The following COBLL1 variants were observed in gnomAD, a reference collection of about 807,000 sequenced individuals.
COBLL1 encodes cordon-bleu protein-like 1.
In COBLL1, 50 loss-of-function variants were observed where a neutral mutation model predicts 94.8. The observed-to-expected ratio is 0.53, with a 90% CI of 0.42 to 0.67. The LOEUF is 0.67. Among genes scored for constraint, COBLL1 ranks in the 30% least tolerant of loss-of-function variants. The probability of loss-of-function intolerance (pLI) is 0.00; values close to 1 mark genes in which losing one functional copy is unlikely to be tolerated. For missense variants in COBLL1, 1,362 were observed against 1,348.7 expected (o/e 1.01, Z -0.15); for synonymous variants, 448 against 473.8 (o/e 0.95, Z 0.71).
intron 2 of COBLL1, among the ~76,000 whole-genome samples, chr2:164,835,426 G>A (rs1267638424): frequency 1.3e-5 from 2 of 152,192 alleles, no homozygotes; most frequent in Non-Finnish European, 2.9e-5. Context: ...GATCTCACTT[G>A]TAAGAGGTAC....
At chr2:164,678,517 G>T (rs780663052), downstream of COBLL1, among the ~76,000 whole-genome samples, 38 of 152,024 alleles carry the variant, frequency 2.5e-4, no homozygotes, top group Admixed American at 7.9e-4. Context: ...ACCAATGAAT[G>T]CCCCTGTCTG....
Position 164,704,574 on chromosome 2 carries a change from C to T in COBLL1, c.1151-56G>A, listed in dbSNP as rs1439956494. The T allele has an allele frequency of 2.2e-6, 3 of 1,371,286 alleles. No individual in the cohort carries two copies. The East Asian group carries it at 6.9e-5, about 31-fold the overall frequency. 84.9% of individuals were successfully genotyped at this position (1,371,286 alleles called of 1,614,324 possible). On this transcript the variant is annotated intron_variant, in intron 8 of 13. Coordinates refer to ENST00000652658, the MANE Select transcript of COBLL1 (RefSeq NM_001365672.2). ...GTCATATTCACAAATAAAACAATTCCTTAACAGTTTAACTTAGTTATATAG... is the reference window on the plus strand; with the variant it reads ...GTCATATTCACAAATAAAACAATTCTTTAACAGTTTAACTTAGTTATATAG...
intron 7 of COBLL1, among the ~76,000 whole-genome samples, chr2:164,720,824 T>C (rs1415397893): frequency 6.6e-6 from 1 of 152,150 alleles, no homozygotes; most frequent in African/African-American, 2.4e-5. Flanking sequence ...TCCGTGAAGA[T>C]TCTCCCAACT....
chr2:164,668,711 C>T (rs1691203406), intron 1 of COBLL1, among the ~76,000 whole-genome samples: 2 of 152,122 alleles, frequency 1.3e-5, no homozygotes, highest in South Asian at 4.1e-4. Flanking sequence ...TTTAACTTTT[C>T]CTTTTTCTCT....
At chr2:164,727,280 CTATGCAAAGAGTATGTAA>C (rs1558957947) in intron 5 of COBLL1, 3 of 446,156 alleles carry the variant, frequency 6.7e-6, no homozygotes, top group African/African-American at 6.1e-5. Context: ...TTTGAAGTCT[CTATGCAAAGAGTATGTAA>C]ATAATTGTCA....
intron 2 of COBLL1, among the ~76,000 whole-genome samples, chr2:164,778,081 C>G (rs951422144): frequency 6.6e-6 from 1 of 152,128 alleles, no homozygotes; most frequent in African/African-American, 2.4e-5. Flanking sequence ...AAAGATAATT[C>G]TGGTGCTTCT....
intron 1 of COBLL1, among the ~76,000 whole-genome samples, chr2:164,674,140 AACCTCC>A (rs1691297123): frequency 6.6e-6 from 1 of 152,034 alleles, no homozygotes; most frequent in Admixed American, 6.6e-5. Flanking sequence ...GGCTCATTGC[AACCTCC>A]ACCTCCCAGA....
chr2:164,704,216 A>G (rs992446795), intron 9 of COBLL1, among the ~76,000 whole-genome samples: 4 of 152,186 alleles, frequency 2.6e-5, no homozygotes, highest in Admixed American at 2.6e-4. Flanking sequence ...AAAAGTACTC[A>G]AGGACAATTC....
At chr2:164,754,409 A>G (rs562484724) in intron 2 of COBLL1, among the ~76,000 whole-genome samples, 64 of 152,300 alleles carry the variant, frequency 4.2e-4, no homozygotes, top group African/African-American at 1.4e-3. Flanking sequence ...CGAAAAGACC[A>G]TGGTGTTATT....
At chr2:164,732,151 T>TAC (rs1426628743) in intron 3 of COBLL1, among the ~76,000 whole-genome samples, 1 of 152,146 alleles carries the variant, frequency 6.6e-6, no homozygotes. Context: ...TGTATATATA[T>TAC]AAAGAAAAAT....
intron 13 of COBLL1, among the ~76,000 whole-genome samples, chr2:164,686,648 CAA>C (rs1423209393): frequency 5.9e-5 from 9 of 151,714 alleles, no homozygotes; most frequent in African/African-American, 1.9e-4. Flanking sequence ...AATTCTATGG[CAA>C]AGTCTTCTAT....
At chr2:164,686,255 C>T (rs1683280574) in intron 13 of COBLL1, among the ~76,000 whole-genome samples, 1 of 151,990 alleles carries the variant, frequency 6.6e-6, no homozygotes, top group South Asian at 2.1e-4. Flanking sequence ...TCCATTAACA[C>T]ATCTTAATCT....
At chr2:164,822,696 G>A (rs1685222607) in intron 2 of COBLL1, among the ~76,000 whole-genome samples, 2 of 150,014 alleles carry the variant, frequency 1.3e-5, no homozygotes, top group Admixed American at 6.7e-5. Flanking sequence ...ACATTTACAT[G>A]CTCCACAGTC....
rs758804513 is a variant in COBLL1 at position 164,694,869 on chromosome 2, A to C, written c.2523T>G (p.Asn841Lys). The change falls in exon 12 of 14, where the codon AAT (asparagine) becomes AAG (lysine). Residue 841 changes from asparagine to lysine, a missense_variant. By Grantham distance (94) the Asn-to-Lys change is moderately conservative. Coordinates refer to ENST00000652658, the MANE Select transcript of COBLL1 (RefSeq NM_001365672.2). ...RDTGTAPFAP[N>K]LEEINNILES... Reference sequence around the variant, plus strand: ...CCAAAATATTGTTTATTTCTTCCAAATTTGGTGCAAAAGGAGCTGTGCCAG... The same window carrying C: ...CCAAAATATTGTTTATTTCTTCCAACTTTGGTGCAAAAGGAGCTGTGCCAG... 6.2e-7 allele frequency: 1 copy of C among 1,613,928 alleles called. No individual in the cohort carries two copies. The highest frequency in any genetic ancestry group is 8.5e-7 in the Non-Finnish European group (1 of 1,179,942).
chr2:164,803,459 G>A (rs1197872091), intron 2 of COBLL1, among the ~76,000 whole-genome samples: 2 of 150,480 alleles, frequency 1.3e-5, no homozygotes, highest in African/African-American at 4.9e-5. Context: ...CAGCTACTTG[G>A]GAGGCCGAGG....
intron 2 of COBLL1, chr2:164,800,550 C>G (rs115732491): frequency 2.8e-6 from 2 of 702,304 alleles, no homozygotes; most frequent in African/African-American, 3.5e-5. Flanking sequence ...CCAGCAATCT[C>G]TCTCCTAGGC....
intron 1 of COBLL1, among the ~76,000 whole-genome samples, chr2:164,671,344 G>A (rs1210472134): frequency 6.6e-6 from 1 of 151,906 alleles, no homozygotes; most frequent in East Asian, 1.9e-4. Flanking sequence ...ATTCTTTGAT[G>A]ACATGTTTCT....
At chr2:164,808,652 C>T (rs900455169) in intron 2 of COBLL1, among the ~76,000 whole-genome samples, 3 of 152,090 alleles carry the variant, frequency 2.0e-5, no homozygotes, top group Non-Finnish European at 4.4e-5. Flanking sequence ...TATTTCCTTA[C>T]TTCTTTGTTT....
chr2:164,794,633 G>A (rs563919564), intron 2 of COBLL1, among the ~76,000 whole-genome samples: 1 of 152,212 alleles, frequency 6.6e-6, no homozygotes, highest in East Asian at 1.9e-4. Context: ...GTTCAGTCAA[G>A]TGCACACTCC....
Sources: allele counts gnomAD v4.1 joint callset (sites outside exome capture counted in the v4.1 genomes callset), GRCh38; gene constraint gnomAD v4.1.1; transcripts MANE v1.5; gene names NCBI Gene and HGNC (gene_info 2026-07-23, HGNC 2026-07-21).